Variants in CRTC1 observed in about 807,000 individuals in gnomAD.
The protein encoded by CRTC1 is CREB regulated transcription coactivator 1.
In CRTC1, 18 loss-of-function variants were observed where a neutral mutation model predicts 66.1. The ratio of observed to expected loss-of-function variants is 0.27; its 90% CI spans 0.19 to 0.40. The LOEUF is 0.40. Among genes scored for constraint, CRTC1 ranks in the 10% least tolerant of loss-of-function variants. CRTC1 has a pLI of 1.00. For synonymous variants in CRTC1, 416 were observed against 398.8 expected (o/e 1.04, Z -0.51); for missense variants, 669 against 887.9 (o/e 0.75, Z 3.13).
At chr19:18,698,619 T>C (rs144181799) in intron 1 of CRTC1, among the ~76,000 whole-genome samples, 293 of 151,336 alleles carry the variant, frequency 1.9e-3, no homozygotes, top group African/African-American at 6.8e-3. Context: ...AGGCGCAGTG[T>C]GTGCTCAGCA....
At position 18,726,827 on chromosome 19, in the gene CRTC1, G is replaced by A. The variant is rs559789749; in HGVS notation, c.127-16083G>A. On this transcript the variant is annotated intron_variant, in intron 1 of 13. Coordinates refer to ENST00000321949, the MANE Select transcript of CRTC1 (RefSeq NM_015321.3). The stretch of plus-strand genomic sequence containing the variant: ...TGTAATCCCAGCTACTTGGGAGGCC[G>A]AGGCAGGAGAATTGCTTGAACCCAG... Among the ~76,000 whole-genome samples, 11 of 151,694 alleles carry A rather than the reference G, an allele frequency of 7.3e-5. No homozygotes were observed. In the South Asian group the frequency reaches 1.0e-3, roughly 14 times the overall value.
At chr19:18,729,537 G>T (rs1260115041) in intron 1 of CRTC1, among the ~76,000 whole-genome samples, 1 of 152,002 alleles carries the variant, frequency 6.6e-6, no homozygotes, top group East Asian at 1.9e-4. Context: ...TGGAGCTCCG[G>T]AGTTTGAGAC....
rs1319691915 is a variant in CRTC1 at position 18,779,648 on chromosome 19, G to A, written c.*2266G>A. ...CCCATCCGTCCAACCTCCGGCGGGC[G>A]CCACTGCTTGTCCTCTGGTCTTCGG... On this transcript the variant is annotated 3_prime_UTR_variant, in exon 14 of 14. Transcript: ENST00000321949. The A allele has an allele frequency of 2.2e-5, 5 of 223,620 alleles. No homozygotes were observed. Among genetic ancestry groups the A allele is most frequent in the Admixed American group, 1.1e-4 (2 of 17,436 alleles). 13.9% of individuals were successfully genotyped at this position (223,620 alleles called of 1,614,324 possible).
chr19:18,728,815 CTTTTT>C (rs35465891), intron 1 of CRTC1, among the ~76,000 whole-genome samples: 1 of 79,388 alleles, frequency 1.3e-5, no homozygotes, highest in Non-Finnish European at 2.2e-5. Context: ...CTCACCTGGC[CTTTTT>C]TTTTTTTTTT....
Position 18,782,249 on chromosome 19 carries a change from C to A in CRTC1, c.*4867C>A. 4.4e-6 allele frequency: 1 copy of A among 227,840 alleles called. No individual in the cohort carries two copies. The highest frequency in any genetic ancestry group is 8.7e-6 in the Non-Finnish European group (1 of 114,348). 14.1% of individuals were successfully genotyped at this position (227,840 alleles called of 1,614,324 possible). A position where few individuals can be genotyped will look rare whatever the true frequency, so the allele number is the denominator to read the frequency against. ...CTCAGGGCACACTCGGCCGTCCCTG[C>A]CCCATCCTCTGGCAGGGCTGCTTTT... is the stretch of plus-strand genomic sequence containing the variant. On this transcript the variant is annotated 3_prime_UTR_variant, in exon 14 of 14. Coordinates refer to ENST00000321949, the MANE Select transcript of CRTC1 (RefSeq NM_015321.3).
chr19:18,717,226 G>C (rs1230269836), intron 1 of CRTC1, among the ~76,000 whole-genome samples: 9 of 152,064 alleles, frequency 5.9e-5, no homozygotes, highest in Admixed American at 5.9e-4. Context: ...GGGTGGGGCT[G>C]AGAGGGGGCT....
At chr19:18,745,184 A>G (rs1389205383) in intron 2 of CRTC1, among the ~76,000 whole-genome samples, 1 of 152,172 alleles carries the variant, frequency 6.6e-6, no homozygotes, top group Non-Finnish European at 1.5e-5. Context: ...CATCCAGCCA[A>G]GCAGTGGGCC....
At chr19:18,716,395 G>A (rs191203707) in intron 1 of CRTC1, among the ~76,000 whole-genome samples, 149 of 152,240 alleles carry the variant, frequency 9.8e-4, no homozygotes, top group Non-Finnish European at 1.2e-3. Flanking sequence ...GGGATTACAG[G>A]CGTCTGCCAC....
intron 5 of CRTC1, among the ~76,000 whole-genome samples, chr19:18,753,040 C>T (rs1376522731): frequency 5.0e-4 from 76 of 151,668 alleles, no homozygotes; most frequent in Non-Finnish European, 5.9e-5. Context: ...CCAAGGCGGG[C>T]GGATCATGAG....
chr19:18,713,882 G>T (rs371652128), intron 1 of CRTC1, among the ~76,000 whole-genome samples: 32 of 152,340 alleles, frequency 2.1e-4, no homozygotes, highest in African/African-American at 7.2e-4. Context: ...TATCTGCTGG[G>T]GTGAGCCCTG....
intron 1 of CRTC1, among the ~76,000 whole-genome samples, chr19:18,728,929 C>T (rs544107306): frequency 4.0e-5 from 6 of 150,008 alleles, no homozygotes; most frequent in African/African-American, 1.2e-4. Flanking sequence ...TCTCCTGCCT[C>T]AGCCTCCCAA....
chr19:18,774,813 C>T (rs1218217502), intron 11 of CRTC1, 87 bp from the exon 12 acceptor site: 3 of 1,307,920 alleles, frequency 2.3e-6, no homozygotes, highest in Non-Finnish European at 3.3e-6. Flanking sequence ...TTCCAGGGGC[C>T]TCTTGTCTTC....
rs1246161925 is a variant in CRTC1, at chr19:18,683,754, A to C, written c.52A>C (p.Asn18His). The C allele has an allele frequency of 2.1e-6, 3 of 1,399,958 alleles. No individual in the cohort carries two copies. 86.7% of individuals were successfully genotyped at this position (1,399,958 alleles called of 1,614,324 possible). The change falls in exon 1 of 14, where the codon AAT (asparagine) becomes CAT (histidine). Residue 18 changes from asparagine (N) to histidine (H), a missense_variant. Asn to His is a moderately conservative substitution (Grantham distance 68). Coordinates refer to ENST00000321949, the MANE Select transcript of CRTC1 (RefSeq NM_015321.3). The part of the protein sequence containing the change: ...RKFSEKIALH[N>H]QKQAEETAAF... Reference sequence around the variant, plus strand: ...ATTCAGCGAGAAGATCGCGCTGCACAATCAGAAGCAGGCGGAGGAGACGGC... The same window carrying C: ...ATTCAGCGAGAAGATCGCGCTGCACCATCAGAAGCAGGCGGAGGAGACGGC...
At chr19:18,727,753 A>G (rs529168054) in intron 1 of CRTC1, among the ~76,000 whole-genome samples, 1 of 151,946 alleles carries the variant, frequency 6.6e-6, no homozygotes, top group East Asian at 1.9e-4. Flanking sequence ...ATGGAGTCTC[A>G]CTATGTTGCC....
rs1423747508 is a variant in CRTC1, at chr19:18,683,696, C to A, written c.-7C>A. The A allele has an allele frequency of 2.9e-6, 4 of 1,392,668 alleles. No individual in the cohort carries two copies. Among genetic ancestry groups the A allele is most frequent in the East Asian group, 3.4e-5 (1 of 29,768 alleles). The allele number at this position is 1,392,668 out of a possible 1,614,324, so 86.3% of individuals were successfully genotyped here. A position where few individuals can be genotyped will look rare whatever the true frequency, so the allele number is the denominator to read the frequency against. ...GAGGAGGAGGAGGAGGAGGTGGCGG[C>A]GAGAAGATGGCGACTTCGAACAATC... On this transcript the variant is annotated 5_prime_UTR_variant, in exon 1 of 14. Coordinates refer to ENST00000321949, the MANE Select transcript of CRTC1 (RefSeq NM_015321.3).
intron 1 of CRTC1, among the ~76,000 whole-genome samples, chr19:18,690,651 T>C (rs1184719266): frequency 1.3e-5 from 2 of 152,114 alleles, no homozygotes; most frequent in Non-Finnish European, 2.9e-5. Flanking sequence ...AAGGTTTCTG[T>C]AGATGTGATT....
At chr19:18,776,620 A>C (rs1037329946) in intron 13 of CRTC1, among the ~76,000 whole-genome samples, 1 of 152,228 alleles carries the variant, frequency 6.6e-6, no homozygotes, top group African/African-American at 2.4e-5. Flanking sequence ...ACTCAGGAGA[A>C]GAATCAGAAT....
At chr19:18,743,165 C>G in intron 2 of CRTC1, 139 bp downstream of exon 2, 1 of 713,780 alleles carries the variant, frequency 1.4e-6, no homozygotes, top group Admixed American at 2.3e-5. Flanking sequence ...CCTTGTCTGC[C>G]CTGGGAACCA....
chr19:18,714,288 A>C (rs1162679796), intron 1 of CRTC1, among the ~76,000 whole-genome samples: 1 of 152,050 alleles, frequency 6.6e-6, no homozygotes, highest in East Asian at 1.9e-4. Context: ...TCCACCTGCT[A>C]TTCGGTTTGC....
Sources: gnomAD v4.1 joint callset for allele counts (sites outside exome capture counted in the v4.1 genomes callset) on GRCh38, gnomAD v4.1.1 for gene constraint, MANE v1.5 for transcripts, NCBI Gene and HGNC (gene_info 2026-07-23, HGNC 2026-07-21) for gene names.